The following PGM5 variants were observed in gnomAD, a reference collection of about 807,000 sequenced individuals.
PGM5 encodes phosphoglucomutase 5.
A neutral mutation model predicts 59.2 loss-of-function variants in PGM5; 23 were observed. That is an observed-to-expected ratio of 0.39 (90% CI 0.28 to 0.55). The LOEUF is 0.55. PGM5 is among the 20% of genes least tolerant of loss of function. The probability of loss-of-function intolerance (pLI) is 0.66; values close to 1 mark genes in which losing one functional copy is unlikely to be tolerated. For synonymous variants in PGM5, 214 were observed against 286.0 expected (o/e 0.75, Z 2.54); for missense variants, 574 against 748.3 (o/e 0.77, Z 2.72).
chr9:68,358,210 C>T (rs146655064), intron 1 of PGM5, among the ~76,000 whole-genome samples: 1,888 of 152,300 alleles, frequency 0.012, 28 homozygotes, highest in African/African-American at 0.043. Flanking sequence ...TGGCATTTGA[C>T]AACATTTCAT....
chr9:68,507,587 ATT>A (rs11323007), intron 10 of PGM5, among the ~76,000 whole-genome samples: 1,564 of 147,402 alleles, frequency 0.011, 21 homozygotes, highest in Admixed American at 0.031. Flanking sequence ...TGTAATTATA[ATT>A]TTTTTTTTTT....
At chr9:68,482,166 C>CTGATGATTCTCTGTTTGCCCTAGGGT (rs1406828931) in intron 8 of PGM5, among the ~76,000 whole-genome samples, 30 of 152,114 alleles carry the variant, frequency 2.0e-4, no homozygotes, top group Non-Finnish European at 1.5e-4. Flanking sequence ...GCAAACAGAT[C>CTGATGATTCTCTGTTTGCCCTAGGGT]TGATGATTCT....
chr9:68,448,318 A>G (rs1823645750), intron 6 of PGM5, among the ~76,000 whole-genome samples: 1 of 152,184 alleles, frequency 6.6e-6, no homozygotes. Flanking sequence ...GCACCCAGGT[A>G]GCCGAGTCAC....
rs545365254 is a variant in PGM5, at chr9:68,401,558, G to A, written c.1043+9085G>A. ...ATACTGAAAGAAGCTCCTTAGAATC[G>A]CCCTGTCTGATTAGGGATTCAAGGC... On this transcript the variant is annotated intron_variant, in intron 6 of 10. Coordinates refer to ENST00000396396, the MANE Select transcript of PGM5 (RefSeq NM_021965.4). Among the ~76,000 whole-genome samples, 63 of 151,618 alleles carry A rather than the reference G, an allele frequency of 4.2e-4. No individual in the cohort carries two copies. In the East Asian group the frequency reaches 0.011, roughly 26 times the overall value.
chr9:68,383,743 A>G (rs1363886674), intron 2 of PGM5, among the ~76,000 whole-genome samples: 2 of 1,306 alleles, frequency 1.5e-3, no homozygotes, highest in Middle Eastern at 0.5. Flanking sequence ...TACAAGGTAA[A>G]AAAAAAAAAA....
At chr9:68,503,859 T>A (rs928797785) in intron 10 of PGM5, among the ~76,000 whole-genome samples, 13 of 152,204 alleles carry the variant, frequency 8.5e-5, no homozygotes, top group Non-Finnish European at 1.6e-4. Flanking sequence ...CTGTAGTTTT[T>A]AAAAAATTTC....
chr9:68,459,197 A>G (rs1262357548), intron 6 of PGM5, among the ~76,000 whole-genome samples: 1 of 152,200 alleles, frequency 6.6e-6, no homozygotes, highest in Non-Finnish European at 1.5e-5. Flanking sequence ...TTTCTTTTAA[A>G]TATACTTTTA....
At chr9:68,379,626 G>A (rs556344287) in intron 2 of PGM5, among the ~76,000 whole-genome samples, 2 of 152,088 alleles carry the variant, frequency 1.3e-5, no homozygotes, top group South Asian at 2.1e-4. Context: ...CTGGTACATG[G>A]GTTAAACTCT....
At chr9:68,463,232 T>C (rs1418258879) in intron 6 of PGM5, among the ~76,000 whole-genome samples, 1 of 151,982 alleles carries the variant, frequency 6.6e-6, no homozygotes, top group Non-Finnish European at 1.5e-5. Flanking sequence ...AAAGGAATCA[T>C]TACTATGCGG....
Position 68,523,389 on chromosome 9 carries a change from A to G in PGM5, c.1615-6178A>G, listed in dbSNP as rs536813217. ...CCCCTTGAATCAGACACTCAGGATGAGGGGTGCTGCAGTCTCCACTTTAAC... is the reference window on the plus strand; with the variant it reads ...CCCCTTGAATCAGACACTCAGGATGGGGGGTGCTGCAGTCTCCACTTTAAC... On this transcript the variant is annotated intron_variant, in intron 10 of 10. Transcript: ENST00000396396. Among the ~76,000 whole-genome samples the G allele has an allele frequency of 7.9e-5, 12 of 152,316 alleles. No homozygotes were observed. The South Asian group carries it at 2.5e-3, about 32-fold the overall frequency.
At chr9:68,519,897 CAATA>C (rs58819780) in intron 10 of PGM5, among the ~76,000 whole-genome samples, 2,028 of 139,838 alleles carry the variant, frequency 0.015, 57 homozygotes, top group African/African-American at 0.047. Context: ...CTTGTCTTTA[CAATA>C]AATAAATAAA....
At chr9:68,444,345 G>T (rs145980763) in intron 6 of PGM5, among the ~76,000 whole-genome samples, 1 of 152,092 alleles carries the variant, frequency 6.6e-6, no homozygotes, top group African/African-American at 2.4e-5. Context: ...AAATGCTAGT[G>T]CATATGGTTA....
At chr9:68,394,065 T>A (rs1554679772) in intron 6 of PGM5, 8 of 152,014 alleles carry the variant, frequency 5.3e-5, no homozygotes. Context: ...GGTAAACATA[T>A]ATGTGGCAAT....
chr9:68,403,365 A>C (rs1433836511), intron 6 of PGM5, among the ~76,000 whole-genome samples: 8 of 152,194 alleles, frequency 5.3e-5, no homozygotes, highest in African/African-American at 9.7e-5. Context: ...TAATTATTTC[A>C]GTATATATTA....
chr9:68,438,117 G>A (rs1823468376), intron 6 of PGM5, among the ~76,000 whole-genome samples: 1 of 151,662 alleles, frequency 6.6e-6, no homozygotes, highest in Non-Finnish European at 1.5e-5. Context: ...GCGAAACCCT[G>A]TCTCTACTAA....
intron 6 of PGM5, among the ~76,000 whole-genome samples, chr9:68,457,978 C>T (rs1293747992): frequency 1.3e-5 from 2 of 152,138 alleles, no homozygotes; most frequent in African/African-American, 2.4e-5. Flanking sequence ...TTAGCTGGAG[C>T]ACTTGAGACT....
chr9:68,384,049 T>A (rs574787517), intron 2 of PGM5, among the ~76,000 whole-genome samples: 2 of 152,148 alleles, frequency 1.3e-5, no homozygotes, highest in Admixed American at 1.3e-4. Flanking sequence ...CAAATGCATA[T>A]CCTGTTTGTG....
At chr9:68,435,072 G>T (rs1823424165) in intron 6 of PGM5, among the ~76,000 whole-genome samples, 1 of 152,142 alleles carries the variant, frequency 6.6e-6, no homozygotes, top group African/African-American at 2.4e-5. Context: ...CTCACAGCTG[G>T]TTCCTATTCT....
At chr9:68,457,973 T>C (rs1198288978) in intron 6 of PGM5, among the ~76,000 whole-genome samples, 3 of 152,200 alleles carry the variant, frequency 2.0e-5, no homozygotes, top group Non-Finnish European at 4.4e-5. Flanking sequence ...TCAACTTAGC[T>C]GGAGCACTTG....
Sources: gnomAD v4.1 joint callset for allele counts (sites outside exome capture counted in the v4.1 genomes callset) on GRCh38, gnomAD v4.1.1 for gene constraint, MANE v1.5 for transcripts, NCBI Gene and HGNC (gene_info 2026-07-23, HGNC 2026-07-21) for gene names.